UGT1A7: variants seen among roughly 807,000 people sequenced by gnomAD.
The protein encoded by UGT1A7 is UDP glucuronosyltransferase family 1 member A7, also known as UDP-glucuronosyltransferase 1A7.
In UGT1A7, 33 loss-of-function variants were observed where a neutral mutation model predicts 45.6. That is an observed-to-expected ratio of 0.72 (90% CI 0.55 to 0.97). The LOEUF (loss-of-function observed/expected upper bound fraction) is 0.97, where lower values mean the gene tolerates loss of function less well. Among genes scored for constraint, UGT1A7 ranks in the 50% least tolerant of loss-of-function variants. UGT1A7 has a pLI of 0.00. For synonymous variants in UGT1A7, 274 were observed against 250.6 expected, an observed-to-expected ratio of 1.09 and a Z score of -0.88; for missense variants, 684 against 666.2, an observed-to-expected ratio of 1.03 and a Z score of -0.29.
chr2:233,710,872 T>TA (rs1227633401), intron 1 of UGT1A7, among the ~76,000 whole-genome samples: 2 of 152,242 alleles, frequency 1.3e-5, no homozygotes, highest in African/African-American at 4.8e-5. Flanking sequence ...TTAAAAAAGT[T>TA]AAACAGTTTA....
chr2:233,729,990 T>G, intron 1 of UGT1A7: 1 of 1,614,036 alleles, frequency 6.2e-7, no homozygotes, highest in East Asian at 2.2e-5. Flanking sequence ...AGCCACTATC[T>G]CAGGTCTGTA....
At chr2:233,771,544 A>C (rs1300566643) in intron 4 of UGT1A7, 1 of 152,264 alleles carries the variant, frequency 6.6e-6, no homozygotes, top group Non-Finnish European at 1.5e-5. Flanking sequence ...GGCACTTACA[A>C]ATGGCTGTTA....
chr2:233,695,150 A>G (rs1323101502), intron 1 of UGT1A7, among the ~76,000 whole-genome samples: 1 of 73,630 alleles, frequency 1.4e-5, no homozygotes, highest in African/African-American at 5.6e-5. Flanking sequence ...TTTTTGAGAC[A>G]GAGTCTCACT....
chr2:233,729,355 C>G lies in UGT1A7; in HGVS notation c.856-37679C>G. ...CATCAAAGAAGAGAACTTTTTCACC[C>G]TGACAACCTATGCCATTTCGTGGAC... On this transcript the variant is annotated intron_variant, in intron 1 of 4. Transcript: ENST00000373426. 6.2e-7 allele frequency: 1 copy of G among 1,614,166 alleles called. No individual in the cohort carries two copies. Among genetic ancestry groups the G allele is most frequent in the Non-Finnish European group, 8.5e-7 (1 of 1,180,000 alleles).
chr2:233,730,275 C>T (rs2078008384), intron 1 of UGT1A7, among the ~76,000 whole-genome samples: 1 of 152,142 alleles, frequency 6.6e-6, no homozygotes, highest in Admixed American at 6.5e-5. Flanking sequence ...TTTGTAAAGG[C>T]ACCATCTTCA....
rs569949528 is a variant in UGT1A7, at chr2:233,742,141, C to T, written c.856-24893C>T. ...GGTCGTGGAGACCCTAACCCAGCAG[C>T]GCTAGACGAATTAAAGACACACACA... On this transcript the variant is annotated intron_variant, in intron 1 of 4. Transcript: ENST00000373426. 6.5e-4 allele frequency among the ~76,000 whole-genome samples: 99 copies of T among 151,946 alleles called. No homozygotes were observed. The South Asian group carries it at 0.02, about 31-fold the overall frequency.
Position 233,747,232 on chromosome 2 carries a change from G to T in UGT1A7, c.856-19802G>T. 2.5e-6 allele frequency: 4 copies of T among 1,605,196 alleles called. 1 individual carries two copies. The highest frequency in any genetic ancestry group is 2.2e-5 in the South Asian group (2 of 90,296). On this transcript the variant is annotated intron_variant, in intron 1 of 4. Coordinates refer to ENST00000373426, the MANE Select transcript of UGT1A7 (RefSeq NM_019077.3). ...TGCTGAGATGGCCACAGGACCCCAGGTTCCCCTGCTGTGGCTGGCCACAGG... is the reference window on the plus strand; with the variant it reads ...TGCTGAGATGGCCACAGGACCCCAGTTTCCCCTGCTGTGGCTGGCCACAGG...
intron 1 of UGT1A7, chr2:233,760,240 A>G (rs749913707): frequency 1.2e-6 from 2 of 1,607,210 alleles, no homozygotes; most frequent in South Asian, 2.2e-5. Context: ...TGCCATATAT[A>G]TATATATAAG....
chr2:233,713,014 C>T lies in UGT1A7; in HGVS notation c.855+30222C>T, dbSNP rs771842103. Reference sequence around the variant, plus strand: ...GAGATGGCCACAGGACTCCAGGTTCCCCTGCCGCAGCTGGCCACAGGACTG... The same window carrying T: ...GAGATGGCCACAGGACTCCAGGTTCTCCTGCCGCAGCTGGCCACAGGACTG... On this transcript the variant is annotated intron_variant, in intron 1 of 4. Coordinates refer to ENST00000373426, the MANE Select transcript of UGT1A7 (RefSeq NM_019077.3). 9 of 1,613,568 alleles carry T rather than the reference C, an allele frequency of 5.6e-6. No individual in the cohort carries two copies. In the African/African-American group the frequency reaches 8.0e-5, roughly 14 times the overall value.
intron 1 of UGT1A7, among the ~76,000 whole-genome samples, chr2:233,703,459 ATTC>A (rs2075739699): frequency 6.6e-6 from 1 of 151,408 alleles, no homozygotes; most frequent in Non-Finnish European, 1.5e-5. Context: ...TTTCCCCTCT[ATTC>A]TTTATTATTT....
chr2:233,769,741 GCCACTC>G lies in UGT1A7; in HGVS notation c.1295+1303_1295+1308del. The G allele has an allele frequency of 6.9e-7, 1 of 1,452,214 alleles. No individual in the cohort carries two copies. Among genetic ancestry groups the G allele is most frequent in the Non-Finnish European group, 9.1e-7 (1 of 1,101,348 alleles). 90.0% of individuals were successfully genotyped at this position (1,452,214 alleles called of 1,614,324 possible). On this transcript the variant is annotated intron_variant, in intron 4 of 4. Coordinates refer to ENST00000373426, the MANE Select transcript of UGT1A7 (RefSeq NM_019077.3). The surrounding 1 kb of genome is among the most constrained non-coding windows in gnomAD (Gnocchi z 4.4). ...ACCATGGCACACGCCTGTAGTCCCA[GCCACTC>G]TGGAGGCTAAGGCGGGAGGATTGCT... is the stretch of plus-strand genomic sequence containing the variant.
intron 1 of UGT1A7, among the ~76,000 whole-genome samples, chr2:233,761,417 G>A (rs1445848635): frequency 6.6e-6 from 1 of 152,202 alleles, no homozygotes; most frequent in Non-Finnish European, 1.5e-5. Context: ...GAAACAACAA[G>A]CTGTTAAATG....
intron 1 of UGT1A7, chr2:233,760,361 C>T: frequency 6.2e-7 from 1 of 1,614,110 alleles, no homozygotes; most frequent in Non-Finnish European, 8.5e-7. Flanking sequence ...CCAGTGGTGT[C>T]CCATGCTGGG....
chr2:233,682,502 T>C lies in UGT1A7; in HGVS notation c.565T>C (p.Tyr189His), dbSNP rs773379672. Residue 189 changes from tyrosine (Y) to histidine (H), a missense_variant, in exon 1 of 5, where the codon TAT becomes CAT. By Grantham distance (83) the Tyr-to-His change is moderately conservative. Transcript: ENST00000373426. Reference sequence around the variant, plus strand: ...TGCACAGTGCCCTGCTCCTCTTTCCTATGTCCCCAGACTTCTCTTAGGGTT... The same window carrying C: ...TGCACAGTGCCCTGCTCCTCTTTCCCATGTCCCCAGACTTCTCTTAGGGTT... ...EGAQCPAPLSYVPRLLLGFSD... is the reference protein window; with the variant it reads ...EGAQCPAPLSHVPRLLLGFSD... 2.2e-5 allele frequency: 35 copies of C among 1,613,870 alleles called. No individual in the cohort carries two copies. Among genetic ancestry groups the C allele is most frequent in the Non-Finnish European group, 2.9e-5 (34 of 1,179,872 alleles).
intron 1 of UGT1A7, chr2:233,692,749 C>T: frequency 9.0e-7 from 1 of 1,106,820 alleles, no homozygotes; most frequent in Middle Eastern, 3.4e-4. Context: ...GAGAAGCAGA[C>T]TTGTGGAGCT....
intron 1 of UGT1A7, chr2:233,693,661 C>G: frequency 6.2e-7 from 1 of 1,614,126 alleles, no homozygotes; most frequent in Non-Finnish European, 8.5e-7. Flanking sequence ...TGTTGGAGCC[C>G]TATCTATTTT....
intron 1 of UGT1A7, chr2:233,719,315 G>A (rs768997881): frequency 1.2e-6 from 2 of 1,613,980 alleles, no homozygotes; most frequent in Non-Finnish European, 1.7e-6. Context: ...CTAAGTACCT[G>A]TCGATTCCTG....
chr2:233,724,487 G>GT (rs1420633653), intron 1 of UGT1A7, among the ~76,000 whole-genome samples: 1 of 75,448 alleles, frequency 1.3e-5, no homozygotes, highest in African/African-American at 5.0e-5. Flanking sequence ...CTCAGACGGG[G>GT]CGGCCGGGCA....
At chr2:233,748,105 C>T in intron 1 of UGT1A7, 1 of 1,612,580 alleles carries the variant, frequency 6.2e-7, no homozygotes, top group Non-Finnish European at 8.5e-7. Flanking sequence ...TTCATCCAAT[C>T]AATGTTCCAG....
Sources: gnomAD v4.1 joint callset for allele counts (sites outside exome capture counted in the v4.1 genomes callset) on GRCh38, gnomAD v4.1.1 for gene constraint, Gnocchi (gnomAD v3.1) non-coding constraint, MANE v1.5 for transcripts, NCBI Gene and HGNC (gene_info 2026-07-23, HGNC 2026-07-21) for gene names.